Variants in ZNF318 observed in about 807,000 individuals in gnomAD.
ZNF318 encodes the protein zinc finger protein 318, also known as endocrine regulator.
In ZNF318, 51 loss-of-function variants were observed where a neutral mutation model predicts 124.2. The observed-to-expected ratio is 0.41, with a 90% CI of 0.33 to 0.52. The LOEUF (loss-of-function observed/expected upper bound fraction) is 0.52. Ranked by LOEUF, ZNF318 falls within the 20% of genes least tolerant of loss-of-function variation. The pLI, the probability that ZNF318 is intolerant of heterozygous loss-of-function variation, is 0.23. For synonymous variants in ZNF318, 1,090 were observed against 1,040.7 expected, an observed-to-expected ratio of 1.05 and a Z score of -0.91; for missense variants, 2,815 against 2,811.2, an observed-to-expected ratio of 1.00 and a Z score of -0.03.
intron 6 of ZNF318, among the ~76,000 whole-genome samples, chr6:43,346,125 A>G (rs1362907565): frequency 4.7e-5 from 7 of 149,792 alleles, no homozygotes; most frequent in Non-Finnish European, 1.0e-4. Flanking sequence ...TGCCCAGAAG[A>G]CAGAGGTTGC....
chr6:43,343,082 C>A (rs1450670495), intron 6 of ZNF318, among the ~76,000 whole-genome samples: 1 of 152,124 alleles, frequency 6.6e-6, no homozygotes, highest in African/African-American at 2.4e-5. Context: ...GCTATCACAG[C>A]ATAAAAAGTA....
chr6:43,365,270 C>T (rs1779743971), intron 2 of ZNF318, 22 bp downstream of exon 2: 2 of 1,609,328 alleles, frequency 1.2e-6, no homozygotes, highest in East Asian at 4.5e-5. Context: ...GTATAGTAGG[C>T]CCTGCCTTAG....
At position 43,337,652 on chromosome 6, in the gene ZNF318, C is replaced by T; in HGVS notation, c.6346G>A (p.Gly2116Ser). 2.5e-6 allele frequency: 4 copies of T among 1,614,130 alleles called. No homozygotes were observed. Among genetic ancestry groups the T allele is most frequent in the African/African-American group, 1.3e-5 (1 of 75,032 alleles). ...TGTGTTCCCTCTAGGCCCCCCAAGC[C>T]ACGGTCAACATTTTCTGTAAGTCCA... ...KTGLTENVDR[G>S]LGGLEGTHQA... Residue 2116 changes from glycine (G) to serine (S), a missense_variant, in exon 10 of 10, where the codon GGC (glycine) becomes AGC (serine). Coordinates refer to ENST00000361428, the MANE Select transcript of ZNF318 (RefSeq NM_014345.3).
chr6:43,359,408 A>G (rs1015008524), intron 2 of ZNF318, among the ~76,000 whole-genome samples: 2 of 152,230 alleles, frequency 1.3e-5, no homozygotes, highest in Non-Finnish European at 2.9e-5. Context: ...TATGGCTATG[A>G]CACAAAACTA....
At chr6:43,354,530 A>T in intron 4 of ZNF318, 134 bp downstream of exon 4, 1 of 760,656 alleles carries the variant, frequency 1.3e-6, no homozygotes, top group Non-Finnish European at 2.1e-6. Context: ...TACACTTCTT[A>T]GGATGATGAC....
rs774138239 is a variant in ZNF318, at chr6:43,348,337, G to T, written c.3059C>A (p.Ser1020Tyr). Residue 1020 changes from serine (S) to tyrosine (Y), a missense_variant, in exon 6 of 10, where the codon TCC (serine) becomes TAC (tyrosine). Transcript: ENST00000361428. ...TTGAGTTGTTACCTTGTTGGAGGAG[G>T]AGTTTGAGAACGATGACACTTTTTC... The part of the protein sequence containing the change: ...SPEKVSSFSN[S>Y]SSNKESKVNN... 2 of 1,606,396 alleles carry T rather than the reference G, an allele frequency of 1.2e-6. No homozygotes were observed. The highest frequency in any genetic ancestry group is 1.7e-6 in the Non-Finnish European group (2 of 1,176,802).
At chr6:43,351,867 G>A (rs1178717833) in intron 5 of ZNF318, among the ~76,000 whole-genome samples, 1 of 152,172 alleles carries the variant, frequency 6.6e-6, no homozygotes, top group South Asian at 2.1e-4. Flanking sequence ...CTGGCAGGGT[G>A]TGGGAGCTCA....
At chr6:43,351,374 G>C (rs1319391098) in intron 5 of ZNF318, among the ~76,000 whole-genome samples, 1 of 152,156 alleles carries the variant, frequency 6.6e-6, no homozygotes, top group African/African-American at 2.4e-5. Flanking sequence ...TCCTAATTTT[G>C]ATAAGTGTAT....
chr6:43,354,633 C>T, intron 4 of ZNF318, 31 bp downstream of exon 4: 1 of 1,541,644 alleles, frequency 6.5e-7, no homozygotes, highest in South Asian at 1.2e-5. Flanking sequence ...ACAGAAAACT[C>T]AGGCACAGGA....
At chr6:43,353,192 A>G (rs987243702) in intron 4 of ZNF318, among the ~76,000 whole-genome samples, 3 of 152,214 alleles carry the variant, frequency 2.0e-5, no homozygotes, top group Admixed American at 1.3e-4. Flanking sequence ...CACTGTCTCT[A>G]AAGTTTTGTC....
In ZNF318 at chr6:43,355,854, G is replaced by A; in HGVS notation, c.1480C>T (p.Leu494=). 6.2e-7 allele frequency: 1 copy of A among 1,614,246 alleles called. No individual in the cohort carries two copies. Among genetic ancestry groups the A allele is most frequent in the Non-Finnish European group, 8.5e-7 (1 of 1,180,042 alleles). The change falls in exon 4 of 10, where the codon CTG becomes TTG. Residue 494 remains leucine, a synonymous_variant. Transcript: ENST00000361428. ...AEGPERHTDF[L]LPHERASQDG... ...TGGCTAGCTCTCTCATGGGGCAGCA[G>A]GAAGTCTGTGTGTCGCTCAGGTCCC... is the stretch of plus-strand genomic sequence containing the variant.
At chr6:43,361,477 ACCACTTGAGCCCAGGAGTTTGAGGTTAC>A (rs1779681582) in intron 2 of ZNF318, among the ~76,000 whole-genome samples, 1 of 152,208 alleles carries the variant, frequency 6.6e-6, no homozygotes, top group African/African-American at 2.4e-5. Flanking sequence ...AGCTGGGAGG[ACCACTTGAGCCCAGGAGTTTGAGGTTAC>A]AGTGAACTAT....
chr6:43,366,582 A>G (rs1779764156), intron 1 of ZNF318, among the ~76,000 whole-genome samples: 1 of 152,130 alleles, frequency 6.6e-6, no homozygotes, highest in Admixed American at 6.5e-5. Context: ...GAATCACTTG[A>G]GGCCAGGAGT....
At position 43,356,986 on chromosome 6, in the gene ZNF318, G is replaced by A. The variant is rs544260413; in HGVS notation, c.1188+140C>T. 254 of 991,826 alleles carry A rather than the reference G, an allele frequency of 2.6e-4. 2 individuals carry two copies. In the South Asian group the frequency reaches 4.0e-3, roughly 16 times the overall value. The allele number at this position is 991,826 out of a possible 1,614,324, so 61.4% of individuals were successfully genotyped here. A position where few individuals can be genotyped will look rare whatever the true frequency, so the allele number is the denominator to read the frequency against. On this transcript the variant is annotated intron_variant, in intron 3 of 9. Coordinates refer to ENST00000361428, the MANE Select transcript of ZNF318 (RefSeq NM_014345.3). ...AAAGGCCTACAGTTTCGTTTGGAGA[G>A]TCCTAGAAGGTGTAGCTCACAATGT... is the stretch of plus-strand genomic sequence containing the variant.
intron 2 of ZNF318, among the ~76,000 whole-genome samples, chr6:43,361,620 G>A (rs1437100376): frequency 1.3e-5 from 2 of 152,156 alleles, no homozygotes; most frequent in African/African-American, 4.8e-5. Context: ...AACATTAAAT[G>A]TGCAAATTAC....
Position 43,355,975 on chromosome 6 carries a change from C to G in ZNF318, c.1359G>C (p.Trp453Cys), listed in dbSNP as rs1441475143. 1.2e-6 allele frequency: 2 copies of G among 1,614,040 alleles called. No individual in the cohort carries two copies. The highest frequency in any genetic ancestry group is 2.7e-5 in the African/African-American group (2 of 74,908). ...CTTTGGGAATCCCAGGAAGGGGACC[C>G]CATTGGTAGAGGTTGCCCTGAGGTT... ...LKEPQGNLYQWGPLPGIPKDN... is the reference protein window; with the variant it reads ...LKEPQGNLYQCGPLPGIPKDN... Residue 453 changes from tryptophan to cysteine, a missense_variant, in exon 4 of 10, where the codon TGG becomes TGC. Trp to Cys is a radical substitution (Grantham distance 215, BLOSUM62 -2). Transcript: ENST00000361428.
Position 43,340,247 on chromosome 6 carries a change from T to C in ZNF318, c.3751A>G (p.Arg1251Gly), listed in dbSNP as rs1166920635. 1.2e-6 allele frequency: 2 copies of C among 1,614,004 alleles called. No homozygotes were observed. The highest frequency in any genetic ancestry group is 2.2e-5 in the East Asian group (1 of 44,894). ...RNSPEKAENK[R>G]NTGIKLQLKE... ...AACTGGAGTTTGATGCCAGTGTTCC[T>C]TTTATTTTCAGCTTTTTCAGGGGAG... Residue 1251 changes from arginine (R) to glycine (G), a missense_variant, in exon 10 of 10, where the codon AGG becomes GGG. This residue lies in a region of ZNF318 where 500 missense variants were observed against 605.2 expected (regional missense o/e 0.83). Transcript: ENST00000361428.
At chr6:43,341,603 T>G (rs998869534) in intron 8 of ZNF318, among the ~76,000 whole-genome samples, 3 of 137,924 alleles carry the variant, frequency 2.2e-5, no homozygotes, top group East Asian at 2.1e-4. Flanking sequence ...TGAGCAGAGA[T>G]AGCACCACTG....
At chr6:43,346,167 A>G (rs900284551) in intron 6 of ZNF318, among the ~76,000 whole-genome samples, 2 of 141,512 alleles carry the variant, frequency 1.4e-5, no homozygotes, top group Non-Finnish European at 3.1e-5. Context: ...ACGCCACAGA[A>G]TAAGACTCTG....
Sources: allele counts gnomAD v4.1 joint callset (sites outside exome capture counted in the v4.1 genomes callset), GRCh38; gene constraint gnomAD v4.1.1; regional missense constraint gnomAD v4.1.1; transcripts MANE v1.5; gene names NCBI Gene and HGNC (gene_info 2026-07-23, HGNC 2026-07-21).